ADCYAP1R1: variants seen among roughly 807,000 people sequenced by gnomAD.
The protein encoded by ADCYAP1R1 is pituitary adenylate cyclase-activating polypeptide type I receptor.
Under a neutral mutation model 67.6 loss-of-function variants are expected in ADCYAP1R1, and 44 were observed. The observed-to-expected ratio is 0.65, with a 90% confidence interval of 0.51 to 0.84. ADCYAP1R1 has a LOEUF of 0.84. Among genes scored for constraint, ADCYAP1R1 ranks in the 40% least tolerant of loss-of-function variants. The pLI, the probability that ADCYAP1R1 is intolerant of heterozygous loss-of-function variation, is 0.00. For synonymous variants in ADCYAP1R1, 222 were observed against 219.6 expected (o/e 1.01, Z -0.10); for missense variants, 477 against 587.9 (o/e 0.81, Z 1.95).
chr7:31,054,766 TGCCAGGAAG>T (rs1344992425), intron 1 of ADCYAP1R1, among the ~76,000 whole-genome samples: 1 of 152,196 alleles, frequency 6.6e-6, no homozygotes, highest in Non-Finnish European at 1.5e-5. Flanking sequence ...CTTAGCTCGG[TGCCAGGAAG>T]GCCTTGCTTG....
intron 1 of ADCYAP1R1, among the ~76,000 whole-genome samples, chr7:31,055,139 GCTTT>G (rs1794186159): frequency 1.3e-5 from 2 of 152,148 alleles, no homozygotes; most frequent in Non-Finnish European, 2.9e-5. Flanking sequence ...CGGCATATAG[GCTTT>G]CTATGACACC....
chr7:31,086,306 G>A lies in ADCYAP1R1; in HGVS notation c.670-78G>A, dbSNP rs773810171. The A allele has an allele frequency of 1.5e-5, 22 of 1,477,082 alleles. No individual in the cohort carries two copies. The highest frequency in any genetic ancestry group is 2.0e-5 in the Non-Finnish European group (22 of 1,087,594). The allele number at this position is 1,477,082 out of a possible 1,614,324, so 91.5% of individuals were successfully genotyped here. A position where few individuals can be genotyped will look rare whatever the true frequency, so the allele number is the denominator to read the frequency against. ...GATGTTTGAACCTGAGCATGCCAGA[G>A]CCAACGGGCCCTAGGATTCTCCCTT... On this transcript the variant is annotated intron_variant, in intron 9 of 15. Coordinates refer to ENST00000304166, the MANE Select transcript of ADCYAP1R1 (RefSeq NM_001118.5). This position sits in a 1 kb window ranked among gnomAD's most constrained non-coding sequence, Gnocchi z 5.0.
intron 15 of ADCYAP1R1, 26 bp from the exon 16 acceptor site, chr7:31,106,470 G>A: frequency 6.3e-7 from 1 of 1,580,226 alleles, no homozygotes. Flanking sequence ...CCATCTGGAA[G>A]TGACCGCCCA....
At chr7:31,072,648 A>C (rs1795038252) in intron 3 of ADCYAP1R1, among the ~76,000 whole-genome samples, 1 of 151,996 alleles carries the variant, frequency 6.6e-6, no homozygotes, top group Non-Finnish European at 1.5e-5. Context: ...ACACAACCAA[A>C]TCCAAGTGTG....
At chr7:31,103,108 A>C in intron 13 of ADCYAP1R1, 129 bp from the exon 14 acceptor site, 1 of 1,297,000 alleles carries the variant, frequency 7.7e-7, no homozygotes, top group Non-Finnish European at 1.1e-6. Context: ...GAGAATGCTG[A>C]GGGGTCTGTG....
intron 1 of ADCYAP1R1, among the ~76,000 whole-genome samples, chr7:31,062,898 G>A (rs1253195928): frequency 6.6e-6 from 1 of 152,208 alleles, no homozygotes; most frequent in Non-Finnish European, 1.5e-5. Context: ...CAAAGGTTTG[G>A]GGAGGCAATC....
At chr7:31,084,974 A>G in intron 8 of ADCYAP1R1, 140 bp downstream of exon 8, 5 of 864,802 alleles carry the variant, frequency 5.8e-6, no homozygotes, top group Non-Finnish European at 9.4e-6. Context: ...AGGATAACAG[A>G]TGGGAAACTT....
At chr7:31,093,306 C>T (rs1796043880) in intron 13 of ADCYAP1R1, among the ~76,000 whole-genome samples, 1 of 152,146 alleles carries the variant, frequency 6.6e-6, no homozygotes, top group Non-Finnish European at 1.5e-5. Flanking sequence ...TTCTGATGAA[C>T]ATCTAATTGG....
intron 1 of ADCYAP1R1, among the ~76,000 whole-genome samples, chr7:31,061,734 T>C (rs779551082): frequency 1.8e-4 from 27 of 152,094 alleles, no homozygotes; most frequent in Non-Finnish European, 2.9e-4. Context: ...AGCTTAAGCT[T>C]GGAGAGGCCC....
Position 31,064,860 on chromosome 7 carries a change from CAAG to C in ADCYAP1R1, c.85_87del (p.Lys29del). The C allele has an allele frequency of 6.2e-7, 1 of 1,612,896 alleles. No individual in the cohort carries two copies. The highest frequency in any genetic ancestry group is 8.5e-7 in the Non-Finnish European group (1 of 1,179,510). ...CTGCCATGCATTCTGACTGCATCTTCAAGAAGGAGCAAGCCATGTGCCTGGAGA... is the reference window on the plus strand; with the variant it reads ...CTGCCATGCATTCTGACTGCATCTTCAAGGAGCAAGCCATGTGCCTGGAGA... On this transcript the variant is annotated inframe_deletion, in exon 3 of 16. Coordinates refer to ENST00000304166, the MANE Select transcript of ADCYAP1R1 (RefSeq NM_001118.5).
chr7:31,064,964 C>T (rs750656829), intron 3 of ADCYAP1R1, 28 bp downstream of exon 3: 30 of 1,531,730 alleles, frequency 2.0e-5, no homozygotes, highest in African/African-American at 2.7e-5. Flanking sequence ...GAGCATGCCA[C>T]GTCCCCAGTG....
At chr7:31,085,175 G>T in intron 8 of ADCYAP1R1, 135 bp from the exon 9 acceptor site, 2 of 1,211,412 alleles carry the variant, frequency 1.7e-6, no homozygotes, top group South Asian at 1.5e-5. Context: ...TAGAGAGGTG[G>T]CAGGAAGGAG....
Position 31,063,195 on chromosome 7 carries a change from C to T in ADCYAP1R1, c.-70C>T. 3 of 1,592,456 alleles carry T rather than the reference C, an allele frequency of 1.9e-6. No homozygotes were observed. The South Asian group carries it at 3.3e-5, about 18-fold the overall frequency. On this transcript the variant is annotated splice_region_variant and 5_prime_UTR_variant, in exon 2 of 16. Coordinates refer to ENST00000304166, the MANE Select transcript of ADCYAP1R1 (RefSeq NM_001118.5). The stretch of plus-strand genomic sequence containing the variant: ...TTCACACCTTTCCTTCCTCTCTAGC[C>T]CAGAGACACATTGGGGCTGACCTGC...
chr7:31,085,581 C>A, intron 9 of ADCYAP1R1, 139 bp downstream of exon 9: 1 of 996,558 alleles, frequency 1.0e-6, no homozygotes, highest in South Asian at 1.9e-5. Context: ...TGCCCCACCC[C>A]CCCGGTTTAT....
At chr7:31,084,455 G>A (rs1475850090) in intron 7 of ADCYAP1R1, among the ~76,000 whole-genome samples, 3 of 152,212 alleles carry the variant, frequency 2.0e-5, no homozygotes, top group African/African-American at 4.8e-5. Flanking sequence ...GGGCTTCCTG[G>A]ACCTTTGTGT....
intron 15 of ADCYAP1R1, 68 bp downstream of exon 15, chr7:31,104,977 C>G: frequency 6.6e-7 from 1 of 1,517,780 alleles, no homozygotes; most frequent in Non-Finnish European, 9.2e-7. Flanking sequence ...ACAGGGGAAC[C>G]ACCTGTTGGC....
At chr7:31,077,856 G>T in intron 3 of ADCYAP1R1, 135 bp from the exon 4 acceptor site, 1 of 559,850 alleles carries the variant, frequency 1.8e-6, no homozygotes, top group Non-Finnish European at 3.2e-6. Context: ...TGTGTTGTGT[G>T]TGTAGCATGT....
intron 4 of ADCYAP1R1, among the ~76,000 whole-genome samples, chr7:31,079,747 C>T (rs1795435216): frequency 6.6e-6 from 1 of 152,120 alleles, no homozygotes; most frequent in Admixed American, 6.5e-5. Context: ...AGCAACACCT[C>T]CACCTCCAGA....
At chr7:31,080,476 C>G in intron 4 of ADCYAP1R1, 137 bp from the exon 5 acceptor site, 1 of 855,992 alleles carries the variant, frequency 1.2e-6, no homozygotes, top group South Asian at 1.6e-5. Context: ...TCTGGGTCCC[C>G]CAGAGCCCCT....
Sources: gnomAD v4.1 joint callset for allele counts (sites outside exome capture counted in the v4.1 genomes callset) on GRCh38, gnomAD v4.1.1 for gene constraint, Gnocchi (gnomAD v3.1) non-coding constraint, MANE v1.5 for transcripts, NCBI Gene and HGNC (gene_info 2026-07-23, HGNC 2026-07-21) for gene names.